Variants in KLK13 observed in about 807,000 individuals in gnomAD.
KLK13 encodes kallikrein-13.
Under a neutral mutation model 22.4 loss-of-function variants are expected in KLK13, and 19 were observed. The ratio of observed to expected loss-of-function variants is 0.85; its 90% CI spans 0.59 to 1.24. The LOEUF (loss-of-function observed/expected upper bound fraction) is 1.24, where lower values mean the gene tolerates loss of function less well. Among genes scored for constraint, KLK13 ranks in the 50% most tolerant of loss-of-function variants. KLK13 has a pLI of 0.00. For missense variants in KLK13, 311 were observed against 347.9 expected, an observed-to-expected ratio of 0.89 and a Z score of 0.84; for synonymous variants, 156 against 141.8, an observed-to-expected ratio of 1.10 and a Z score of -0.71.
chr19:51,063,948 G>A, intron 1 of KLK13: 1 of 419,734 alleles, frequency 2.4e-6, no homozygotes, highest in Middle Eastern at 3.5e-4. Flanking sequence ...CAGGTGCTGA[G>A]AGCAGGGACT....
rs925765655 is a variant in KLK13, at chr19:51,062,431, G to A, written c.53-1812C>T. ...TATTCATTTCTCTTCACATTTGTAT[G>A]TATTCGTTTTTAAAAATCTCTCCAC... On this transcript the variant is annotated intron_variant, in intron 1 of 4. Coordinates refer to ENST00000595793, the MANE Select transcript of KLK13 (RefSeq NM_015596.3). Among the ~76,000 whole-genome samples the A allele has an allele frequency of 5.3e-5, 8 of 152,288 alleles. No homozygotes were observed. The East Asian group carries it at 1.5e-3, about 29-fold the overall frequency.
At chr19:51,057,186 T>C (rs1194180783) in intron 4 of KLK13, among the ~76,000 whole-genome samples, 1 of 152,256 alleles carries the variant, frequency 6.6e-6, no homozygotes, top group East Asian at 1.9e-4. Context: ...CTCATTTGTG[T>C]CTCTCACTAT....
chr19:51,062,211 A>G (rs891788052), intron 1 of KLK13, among the ~76,000 whole-genome samples: 5 of 152,194 alleles, frequency 3.3e-5, no homozygotes, highest in African/African-American at 1.2e-4. Context: ...ATATACATAT[A>G]TGGAATATTC....
At chr19:51,062,363 C>T (rs1409590227) in intron 1 of KLK13, among the ~76,000 whole-genome samples, 4 of 152,200 alleles carry the variant, frequency 2.6e-5, no homozygotes, top group South Asian at 2.1e-4. Flanking sequence ...GACTCCTCCC[C>T]CATTACATTC....
upstream of KLK13, among the ~76,000 whole-genome samples, chr19:51,065,277 G>T (rs2122724297): frequency 1.3e-5 from 2 of 152,138 alleles, no homozygotes; most frequent in South Asian, 4.2e-4. Context: ...GAGGTGGGAG[G>T]AACAGTGTGC....
intron 1 of KLK13, chr19:51,063,622 T>C (rs1388016581): frequency 4.4e-6 from 2 of 456,544 alleles, no homozygotes; most frequent in African/African-American, 4.0e-5. Context: ...AGGCGTAGCG[T>C]GTGGGTCTCC....
intron 1 of KLK13, among the ~76,000 whole-genome samples, chr19:51,062,651 CCATTTTG>C (rs939483453): frequency 2.0e-5 from 3 of 152,120 alleles, no homozygotes; most frequent in Admixed American, 6.5e-5. Flanking sequence ...AACATGCATG[CCATTTTG>C]TGACTGTGTG....
At chr19:51,059,365 C>T (rs1431687317) in intron 3 of KLK13, among the ~76,000 whole-genome samples, 1 of 145,190 alleles carries the variant, frequency 6.9e-6, no homozygotes, top group Non-Finnish European at 1.5e-5. Flanking sequence ...TGATAAAATT[C>T]ATTTACAGTA....
intron 1 of KLK13, among the ~76,000 whole-genome samples, chr19:51,061,021 C>T (rs1215065800): frequency 6.6e-6 from 1 of 152,158 alleles, no homozygotes; most frequent in African/African-American, 2.4e-5. Flanking sequence ...ATCCAATCAT[C>T]CATCCCCCAT....
chr19:51,065,257 G>C (rs1029558277), upstream of KLK13: 1 of 519,214 alleles, frequency 1.9e-6, no homozygotes, highest in Non-Finnish European at 3.4e-6. Context: ...CTTGGTGGGG[G>C]TGCAGTGGCG....
chr19:51,064,487 CAAAAAAA>C (rs35554667), intron 1 of KLK13: 178 of 158,474 alleles, frequency 1.1e-3, no homozygotes, highest in South Asian at 5.3e-3. Flanking sequence ...GGTTCCATCT[CAAAAAAA>C]AAAAAAAAAA....
In KLK13 at chr19:51,056,572, T is replaced by C; in HGVS notation, c.*15A>G. 1 of 1,613,466 alleles carries C rather than the reference T, an allele frequency of 6.2e-7. No homozygotes were observed. The highest frequency in any genetic ancestry group is 1.7e-5 in the Admixed American group (1 of 60,008). ...GTCATGGTGACAGGATGGAAGCCGG[T>C]ACATTTCTCAACTTTTATTGTGGGC... On this transcript the variant is annotated 3_prime_UTR_variant, in exon 5 of 5. Coordinates refer to ENST00000595793, the MANE Select transcript of KLK13 (RefSeq NM_015596.3).
At chr19:51,065,223 C>T (rs887978612), upstream of KLK13, 2 of 530,904 alleles carry the variant, frequency 3.8e-6, no homozygotes, top group Non-Finnish European at 6.5e-6. Flanking sequence ...ACCCTGGAAT[C>T]TGCCCCCCGC....
At chr19:51,057,402 A>C (rs1183535994) in intron 4 of KLK13, among the ~76,000 whole-genome samples, 1 of 152,172 alleles carries the variant, frequency 6.6e-6, no homozygotes, top group African/African-American at 2.4e-5. Flanking sequence ...TCTTATTTTT[A>C]AAAAATTAAA....
intron 4 of KLK13, among the ~76,000 whole-genome samples, chr19:51,057,643 C>CT (rs940197301): frequency 6.6e-6 from 1 of 151,840 alleles, no homozygotes; most frequent in African/African-American, 2.4e-5. Context: ...AATTTAAAAA[C>CT]TTTTTTTTCT....
At chr19:51,061,010 T>C (rs1268191935) in intron 1 of KLK13, among the ~76,000 whole-genome samples, 1 of 152,164 alleles carries the variant, frequency 6.6e-6, no homozygotes, top group African/African-American at 2.4e-5. Context: ...TCCATCAATC[T>C]ATCCAATCAT....
rs2091698166 is a variant in KLK13 at position 51,058,664 on chromosome 19, G to C, written c.519C>G (p.Pro173=). The C allele has an allele frequency of 6.2e-7, 1 of 1,613,992 alleles. No individual in the cohort carries two copies. Among genetic ancestry groups the C allele is most frequent in the Non-Finnish European group, 8.5e-7 (1 of 1,180,024 alleles). Residue 173 remains proline (P), a synonymous_variant, in exon 4 of 5, where the codon CCC becomes CCG. Transcript: ENST00000595793. ...GTTTSPQVNY[P]KTLQCANIQL... ...GGATGTTGGCACATTGTAGAGTTTT[G>C]GGGTAATTCACTGGGGAGAAGAAAG... is the stretch of plus-strand genomic sequence containing the variant.
At chr19:51,064,062 A>G (rs917553462) in intron 1 of KLK13, among the ~76,000 whole-genome samples, 1 of 152,158 alleles carries the variant, frequency 6.6e-6, no homozygotes, top group Admixed American at 6.5e-5. Context: ...ACCTGCCTAC[A>G]ACGGCAGGGA....
At chr19:51,063,558 G>A (rs866986720) in intron 1 of KLK13, 10 of 417,462 alleles carry the variant, frequency 2.4e-5, no homozygotes, top group Non-Finnish European at 3.9e-5. Flanking sequence ...TCTCTGCCAT[G>A]AAATTGGAGT....
Sources: allele counts gnomAD v4.1 joint callset (sites outside exome capture counted in the v4.1 genomes callset), GRCh38; gene constraint gnomAD v4.1.1; transcripts MANE v1.5; gene names NCBI Gene and HGNC (gene_info 2026-07-23, HGNC 2026-07-21).